The following SLC22A5 variants were observed in gnomAD, a reference collection of about 807,000 sequenced individuals.
SLC22A5 encodes organic cation/carnitine transporter 2.
A neutral mutation model predicts 56.7 loss-of-function variants in SLC22A5; 44 were observed. The observed-to-expected ratio is 0.78, with a 90% CI of 0.61 to 1.00. The LOEUF (loss-of-function observed/expected upper bound fraction) is 1.00, where lower values mean the gene tolerates loss of function less well. SLC22A5 is among the 50% of genes least tolerant of loss of function. The probability of loss-of-function intolerance (pLI) is 0.00; values close to 1 mark genes in which losing one functional copy is unlikely to be tolerated. For synonymous variants in SLC22A5, 278 were observed against 292.1 expected (o/e 0.95, Z 0.49); for missense variants, 675 against 723.0 (o/e 0.93, Z 0.76).
intron 3 of SLC22A5, 148 bp from the exon 4 acceptor site, chr5:132,385,180 T>A: frequency 1.3e-6 from 1 of 752,768 alleles, no homozygotes. Flanking sequence ...ACAGGAGGGG[T>A]TCAGAACGCC....
intron 1 of SLC22A5, chr5:132,376,205 ACCTTT>A (rs1029810904): frequency 7.2e-5 from 11 of 152,120 alleles, no homozygotes; most frequent in African/African-American, 2.4e-4. Flanking sequence ...GAGACCTAGC[ACCTTT>A]CCTGATCCTG....
At chr5:132,389,858 C>T (rs2126788910) in intron 6 of SLC22A5, 1 of 154,598 alleles carries the variant, frequency 6.5e-6, no homozygotes, top group Non-Finnish European at 1.4e-5. Context: ...GTAGCCTGCA[C>T]CACAGACATG....
At position 132,393,770 on chromosome 5, in the gene SLC22A5, C is replaced by T. The variant is rs1256876367; in HGVS notation, c.1545C>T (p.Thr515=). 3 of 1,614,096 alleles carry T rather than the reference C, an allele frequency of 1.9e-6. No individual in the cohort carries two copies. Among genetic ancestry groups the T allele is most frequent in the South Asian group, 1.1e-5 (1 of 91,080 alleles). ...TGTTTCTCCCAGAGAGCTTCGGTAC[C>T]CCACTCCCAGACACCATTGACCAGA... ...LTLFLPESFG[T]PLPDTIDQML... Residue 515 remains threonine (T), a synonymous_variant, in exon 9 of 10, where the codon ACC becomes ACT. Transcript: ENST00000245407.
chr5:132,369,904 C>G lies in SLC22A5; in HGVS notation c.-69C>G, dbSNP rs1035351882. The G allele has an allele frequency of 5.1e-6, 8 of 1,578,748 alleles. No individual in the cohort carries two copies. The highest frequency in any genetic ancestry group is 6.9e-6 in the Non-Finnish European group (8 of 1,165,778). Reference sequence around the variant, plus strand: ...CTTGCCTGGTCGGCGGCGGGTGCCCCGCGCGCACGCGCAAAGCCCGCCGCG... The same window carrying G: ...CTTGCCTGGTCGGCGGCGGGTGCCCGGCGCGCACGCGCAAAGCCCGCCGCG... On this transcript the variant is annotated 5_prime_UTR_variant, in exon 1 of 10. Transcript: ENST00000245407.
chr5:132,373,486 A>C (rs1467546493), intron 1 of SLC22A5, among the ~76,000 whole-genome samples: 1 of 152,130 alleles, frequency 6.6e-6, no homozygotes, highest in Non-Finnish European at 1.5e-5. Flanking sequence ...AAATACAAAA[A>C]TTAGCTGGGT....
At position 132,371,412 on chromosome 5, in the gene SLC22A5, T is replaced by A. The variant is rs114650531; in HGVS notation, c.393+1047T>A. Among the ~76,000 whole-genome samples, 584 of 152,274 alleles carry A rather than the reference T, an allele frequency of 3.8e-3. 3 individuals are homozygous for A. Among genetic ancestry groups the A allele is most frequent in the African/African-American group, 0.011 (465 of 41,556 alleles). On this transcript the variant is annotated intron_variant, in intron 1 of 9. Transcript: ENST00000245407. Reference sequence around the variant, plus strand: ...TTAGGTCATAGGGTGTAGGGGAGCCTTTCTCATTTCTCATCCCCTTGGATT... The same window carrying A: ...TTAGGTCATAGGGTGTAGGGGAGCCATTCTCATTTCTCATCCCCTTGGATT...
chr5:132,392,396 G>C (rs1212191863), intron 7 of SLC22A5, 37 bp from the exon 8 acceptor site: 6 of 1,584,484 alleles, frequency 3.8e-6, no homozygotes, highest in Non-Finnish European at 5.2e-6. Context: ...GCCATGGGTT[G>C]GTACCTACTC....
rs538372785 is a variant in SLC22A5 at position 132,385,472 on chromosome 5, C to T, written c.797C>T (p.Pro266Leu). The change falls in exon 4 of 10, where the codon CCG becomes CTG. Residue 266 changes from proline (P) to leucine (L), a missense_variant. Coordinates refer to ENST00000245407, the MANE Select transcript of SLC22A5 (RefSeq NM_003060.4). ...ATGCTGCTGGTGGCGCTGACGATGC[C>T]GGGGGTGCTATGCGTGGCACTCTGG... ...WRMLLVALTM[P>L]GVLCVALWWF... 13 of 1,614,024 alleles carry T rather than the reference C, an allele frequency of 8.1e-6. No individual in the cohort carries two copies. The East Asian group carries it at 1.8e-4, about 22-fold the overall frequency.
rs1224939493 is a variant in SLC22A5, at chr5:132,369,959, C to T, written c.-14C>T. On this transcript the variant is annotated 5_prime_UTR_variant, in exon 1 of 10. Transcript: ENST00000245407. Reference sequence around the variant, plus strand: ...CCGACCCCAGGCCGCGCTCTGTGGGCCTCTGAGGGCGGCATGCGGGACTAC... The same window carrying T: ...CCGACCCCAGGCCGCGCTCTGTGGGTCTCTGAGGGCGGCATGCGGGACTAC... The T allele has an allele frequency of 6.2e-7, 1 of 1,612,248 alleles. No individual in the cohort carries two copies. Among genetic ancestry groups the T allele is most frequent in the African/African-American group, 1.3e-5 (1 of 74,876 alleles).
rs1554088590 is a variant in SLC22A5 at position 132,393,803 on chromosome 5, A to G, written c.1578A>G (p.Arg526=). The stretch of plus-strand genomic sequence containing the variant: ...CAGACACCATTGACCAGATGCTAAG[A>G]GTCAAAGGGTAAGAAGACCTCCTCT... ...PLPDTIDQML[R]VKGMKHRKTP... is the part of the protein sequence containing the mutation. Residue 526 remains arginine, a synonymous_variant, in exon 9 of 10, where the codon AGA becomes AGG. Coordinates refer to ENST00000245407, the MANE Select transcript of SLC22A5 (RefSeq NM_003060.4). 1 of 1,614,020 alleles carries G rather than the reference A, an allele frequency of 6.2e-7. No homozygotes were observed. Among genetic ancestry groups the G allele is most frequent in the African/African-American group, 1.3e-5 (1 of 74,914 alleles).
At chr5:132,375,178 G>A (rs963487901) in intron 1 of SLC22A5, among the ~76,000 whole-genome samples, 1 of 152,168 alleles carries the variant, frequency 6.6e-6, no homozygotes, top group Non-Finnish European at 1.5e-5. Context: ...TTTATTTATC[G>A]ATTCATTCAC....
intron 1 of SLC22A5, 23 bp from the exon 2 acceptor site, chr5:132,378,355 C>T (rs757044712): frequency 6.2e-7 from 1 of 1,611,472 alleles, no homozygotes; most frequent in Non-Finnish European, 8.5e-7. Context: ...GTGAATGATA[C>T]ACCCCCTTTG....
intron 1 of SLC22A5, among the ~76,000 whole-genome samples, chr5:132,374,909 G>A (rs181620982): frequency 8.0e-4 from 122 of 152,232 alleles, no homozygotes; most frequent in Non-Finnish European, 1.5e-3. Context: ...ACAAAAATTA[G>A]CCAGGCTGGT....
intron 6 of SLC22A5, chr5:132,389,521 A>G (rs1471360077): frequency 5.8e-6 from 1 of 173,648 alleles, no homozygotes; most frequent in African/African-American, 2.4e-5. Flanking sequence ...CCAGGTTCCC[A>G]CTAATGAGGC....
Position 132,387,104 on chromosome 5 carries a change from A to G in SLC22A5, c.904A>G (p.Lys302Glu), listed in dbSNP as rs75783492. The change falls in exon 5 of 10, where the codon AAA becomes GAA. Residue 302 changes from lysine (K) to glutamate (E), a missense_variant. Lys to Glu is a moderately conservative substitution (Grantham distance 56, BLOSUM62 1). Transcript: ENST00000245407. ...EAEVIIRKAA[K>E]ANGIVVPSTI... ...AGAGGTGATCATCCGCAAGGCTGCC[A>G]AAGCCAATGGGATTGTTGTGCCTTC... The G allele has an allele frequency of 1.4e-4, 226 of 1,614,192 alleles. No individual in the cohort carries two copies. The East Asian group carries it at 4.4e-3, about 31-fold the overall frequency.
chr5:132,374,089 G>T (rs1363015503), intron 1 of SLC22A5, among the ~76,000 whole-genome samples: 2 of 152,034 alleles, frequency 1.3e-5, no homozygotes, highest in African/African-American at 4.8e-5. Flanking sequence ...GGTGGTGGGT[G>T]CCTGTAATCC....
rs748605096 is a variant in SLC22A5 at position 132,370,340 on chromosome 5, T to G, written c.368T>G (p.Val123Gly). 23 of 1,612,230 alleles carry G rather than the reference T, an allele frequency of 1.4e-5. No individual in the cohort carries two copies. The highest frequency in any genetic ancestry group is 4.0e-5 in the African/African-American group (3 of 74,950). ...GATGGCTGGGAGTTCAGTCAGGACG[T>G]CTACCTGTCCACCATTGTGACCGAG... is the stretch of plus-strand genomic sequence containing the variant. ...CLDGWEFSQDVYLSTIVTEWN... is the reference protein window; with the variant it reads ...CLDGWEFSQDGYLSTIVTEWN... Residue 123 changes from valine (V) to glycine (G), a missense_variant, in exon 1 of 10, where the codon GTC becomes GGC. Transcript: ENST00000245407.
At position 132,393,679 on chromosome 5, in the gene SLC22A5, C is replaced by T; in HGVS notation, c.1454C>T (p.Ala485Val). The change falls in exon 9 of 10, where the codon GCC becomes GTC. Residue 485 changes from alanine (A) to valine (V), a missense_variant. By Grantham distance (64) the Ala-to-Val change is moderately conservative. Transcript: ENST00000245407. ...GGCTCCGTCTGCTTTGCCATAGGTG[C>T]CTACGACCGCTTCCTGCCCTACATT... ...ILSPYFVYLG[A>V]YDRFLPYILM... 6.2e-7 allele frequency: 1 copy of T among 1,614,164 alleles called. No individual in the cohort carries two copies. Among genetic ancestry groups the T allele is most frequent in the South Asian group, 1.1e-5 (1 of 91,086 alleles).
intron 2 of SLC22A5, chr5:132,378,872 C>T (rs563044627): frequency 1.5e-5 from 4 of 273,328 alleles, no homozygotes; most frequent in East Asian, 8.8e-5. Flanking sequence ...AGTAGTGCCA[C>T]GGTGTCTGCC....
Sources: allele counts gnomAD v4.1 joint callset (sites outside exome capture counted in the v4.1 genomes callset), GRCh38; gene constraint gnomAD v4.1.1; transcripts MANE v1.5; gene names NCBI Gene and HGNC (gene_info 2026-07-23, HGNC 2026-07-21).